NEGR1: variants seen among roughly 807,000 people sequenced by gnomAD.
NEGR1 encodes the protein neuronal growth regulator 1.
A neutral mutation model predicts 40.9 loss-of-function variants in NEGR1; 10 were observed. The ratio of observed to expected loss-of-function variants is 0.24; its 90% CI spans 0.15 to 0.42. The LOEUF (loss-of-function observed/expected upper bound fraction) is 0.42. NEGR1 is among the 10% of genes least tolerant of loss of function. The probability of loss-of-function intolerance (pLI) is 1.00; values close to 1 mark genes in which losing one functional copy is unlikely to be tolerated. For synonymous variants in NEGR1, 185 were observed against 166.8 expected (o/e 1.11, Z -0.84); for missense variants, 352 against 438.9 (o/e 0.80, Z 1.77).
intron 2 of NEGR1, among the ~76,000 whole-genome samples, chr1:71,780,133 A>G (rs1324839831): frequency 1.3e-5 from 2 of 151,500 alleles, no homozygotes; most frequent in African/African-American, 4.9e-5. Flanking sequence ...CCTTTTCTAG[A>G]TCTTATTTCA....
At chr1:71,683,529 G>A (rs1053760765) in intron 4 of NEGR1, among the ~76,000 whole-genome samples, 1 of 141,398 alleles carries the variant, frequency 7.1e-6, no homozygotes, top group Admixed American at 6.9e-5. Flanking sequence ...TAAGTCCAAA[G>A]TGGTTTTCTG....
intron 1 of NEGR1, among the ~76,000 whole-genome samples, chr1:72,040,245 G>A (rs1229579999): frequency 6.6e-6 from 1 of 151,824 alleles, no homozygotes; most frequent in Non-Finnish European, 1.5e-5. Flanking sequence ...ACTTAAAGGT[G>A]CTAGAGAACA....
At chr1:71,737,621 T>A (rs971034126) in intron 3 of NEGR1, among the ~76,000 whole-genome samples, 3 of 152,194 alleles carry the variant, frequency 2.0e-5, no homozygotes, top group African/African-American at 7.2e-5. Flanking sequence ...ATTAACTCTA[T>A]TAATTTGTTA....
chr1:71,496,838 G>A (rs1260982526), intron 6 of NEGR1, among the ~76,000 whole-genome samples: 1 of 152,136 alleles, frequency 6.6e-6, no homozygotes, highest in East Asian at 1.9e-4. Flanking sequence ...AATGGAATAA[G>A]TGTGTAAATC....
At chr1:71,555,862 G>T (rs1367983582) in intron 6 of NEGR1, among the ~76,000 whole-genome samples, 7 of 151,500 alleles carry the variant, frequency 4.6e-5, no homozygotes, top group Admixed American at 3.3e-4. Context: ...TCCCCAACTT[G>T]TTAGTAACAT....
At chr1:72,180,690 G>A (rs1652334077) in intron 1 of NEGR1, among the ~76,000 whole-genome samples, 1 of 151,944 alleles carries the variant, frequency 6.6e-6, no homozygotes, top group African/African-American at 2.4e-5. Flanking sequence ...CGTAAATATG[G>A]CCAAAAGATA....
intron 6 of NEGR1, among the ~76,000 whole-genome samples, chr1:71,589,745 G>T (rs971505667): frequency 3.7e-5 from 5 of 136,714 alleles, no homozygotes; most frequent in African/African-American, 1.1e-4. Flanking sequence ...TACTATTATT[G>T]CTATTTTGCC....
chr1:71,684,750 C>T (rs920859539), intron 4 of NEGR1, among the ~76,000 whole-genome samples: 1 of 152,190 alleles, frequency 6.6e-6, no homozygotes, highest in African/African-American at 2.4e-5. Context: ...CCATCCTTCT[C>T]AGGAGGTACC....
At chr1:72,112,177 C>T (rs974966178) in intron 1 of NEGR1, among the ~76,000 whole-genome samples, 6 of 150,648 alleles carry the variant, frequency 4.0e-5, no homozygotes, top group Non-Finnish European at 7.4e-5. Flanking sequence ...CATTCTCCAA[C>T]GTAAGCATTA....
At chr1:71,684,293 TA>T (rs1253011125) in intron 4 of NEGR1, among the ~76,000 whole-genome samples, 1 of 152,074 alleles carries the variant, frequency 6.6e-6, no homozygotes, top group Non-Finnish European at 1.5e-5. Flanking sequence ...TAACGCATAT[TA>T]ATTAAATATT....
intron 1 of NEGR1, among the ~76,000 whole-genome samples, chr1:72,064,194 G>GA (rs1647222401): frequency 6.6e-6 from 1 of 151,828 alleles, no homozygotes; most frequent in South Asian, 2.1e-4. Flanking sequence ...TTATTTTGTA[G>GA]AAAAAAGGAG....
chr1:72,059,969 G>T (rs1647150948), intron 1 of NEGR1, among the ~76,000 whole-genome samples: 1 of 151,550 alleles, frequency 6.6e-6, no homozygotes, highest in African/African-American at 2.4e-5. Context: ...CCATGACAGT[G>T]CCTGAAGCCT....
At chr1:72,038,059 T>C (rs1004711453) in intron 1 of NEGR1, among the ~76,000 whole-genome samples, 1 of 152,130 alleles carries the variant, frequency 6.6e-6, no homozygotes, top group Non-Finnish European at 1.5e-5. Flanking sequence ...CAGGACTTAG[T>C]AAAAGTGTCA....
intron 6 of NEGR1, among the ~76,000 whole-genome samples, chr1:71,540,070 G>T (rs144416760): frequency 4.6e-5 from 7 of 151,808 alleles, no homozygotes; most frequent in African/African-American, 1.7e-4. Flanking sequence ...GCGCATTGAA[G>T]AACTTTGGGT....
chr1:71,735,975 A>C (rs1319098743), intron 3 of NEGR1, among the ~76,000 whole-genome samples: 1 of 152,112 alleles, frequency 6.6e-6, no homozygotes. Context: ...TGAAATGATC[A>C]ATTAATGTTT....
At chr1:71,700,763 A>G (rs190407434) in intron 3 of NEGR1, among the ~76,000 whole-genome samples, 131 of 152,128 alleles carry the variant, frequency 8.6e-4, no homozygotes, top group South Asian at 3.3e-3. Context: ...CCTATTCACT[A>G]AAGTGATTAG....
intron 1 of NEGR1, among the ~76,000 whole-genome samples, chr1:72,238,084 AATTG>A (rs949502621): frequency 1.3e-5 from 2 of 151,990 alleles, no homozygotes; most frequent in African/African-American, 4.8e-5. Flanking sequence ...GATAATCTGT[AATTG>A]ATTAACTTTC....
intron 6 of NEGR1, among the ~76,000 whole-genome samples, chr1:71,588,786 T>C (rs891618113): frequency 4.6e-5 from 7 of 152,086 alleles, no homozygotes; most frequent in African/African-American, 1.7e-4. Flanking sequence ...CTGAAAATGA[T>C]GGAGACTTGC....
chr1:71,852,183 T>C (rs934716266), intron 2 of NEGR1, among the ~76,000 whole-genome samples: 52 of 152,098 alleles, frequency 3.4e-4, no homozygotes, highest in African/African-American at 1.2e-3. Context: ...AAGTCAATGC[T>C]ACATAATAAG....
Sources: allele counts gnomAD v4.1 joint callset (sites outside exome capture counted in the v4.1 genomes callset), GRCh38; gene constraint gnomAD v4.1.1; transcripts MANE v1.5; gene names NCBI Gene and HGNC (gene_info 2026-07-23, HGNC 2026-07-21).